The following PUDP variants were observed in gnomAD, a reference collection of about 807,000 sequenced individuals.
The protein encoded by PUDP is pseudouridine 5'-phosphatase, also known as pseudouridine-5'-phosphatase.
PUDP carries 8 observed loss-of-function variants against 9.4 expected under a neutral mutation model. The observed-to-expected ratio is 0.85, with a 90% CI of 0.50 to 1.53. The LOEUF (loss-of-function observed/expected upper bound fraction) is 1.53, where lower values mean the gene tolerates loss of function less well. Ranked by LOEUF, PUDP falls within the 40% of genes most tolerant of loss-of-function variation. The pLI is 0.00. For synonymous variants in PUDP, 99 were observed against 80.7 expected, an observed-to-expected ratio of 1.23 and a Z score of -1.22; for missense variants, 188 against 189.7, an observed-to-expected ratio of 0.99 and a Z score of 0.05.
chrX:6,708,408 C>T (rs756599603), intron 1 of PUDP, among the ~76,000 whole-genome samples: 1 of 111,692 alleles, frequency 9.0e-6, no homozygotes, highest in Non-Finnish European at 1.9e-5. Context: ...AATCTATAAA[C>T]CATGGCCCAT....
chrX:6,945,459 G>A (rs1289639366), intron 3 of PUDP, among the ~76,000 whole-genome samples: 7 of 111,643 alleles, frequency 6.3e-5, no homozygotes, highest in African/African-American at 2.3e-4. Context: ...TTTGTATTTT[G>A]TCTGTCTTTA....
chrX:6,861,396 C>A (rs1469431016), intron 3 of PUDP, among the ~76,000 whole-genome samples: 1 of 111,819 alleles, frequency 8.9e-6, no homozygotes, highest in Non-Finnish European at 1.9e-5. Context: ...GTGTATGGGA[C>A]TCATGGTTTC....
chrX:6,991,944 A>G (rs922441469), intron 1 of PUDP, among the ~76,000 whole-genome samples: 3 of 111,937 alleles, frequency 2.7e-5, no homozygotes, highest in Non-Finnish European at 5.6e-5. Flanking sequence ...TTGAGACTGT[A>G]ACAAACATAA....
intron 2 of PUDP, among the ~76,000 whole-genome samples, chrX:7,104,266 T>C (rs1255480601): frequency 4.5e-5 from 5 of 111,917 alleles, no homozygotes; most frequent in Non-Finnish European, 7.5e-5. Context: ...TGGATGAACC[T>C]TGAGGGCATT....
chrX:6,930,297 T>C (rs1465941944), intron 3 of PUDP, among the ~76,000 whole-genome samples: 2 of 111,249 alleles, frequency 1.8e-5, no homozygotes, highest in Non-Finnish European at 3.8e-5. Flanking sequence ...AGGACTGGTG[T>C]CACCAGAGAC....
At chrX:7,113,892 T>C (rs1452193201) in intron 1 of PUDP, among the ~76,000 whole-genome samples, 1 of 111,401 alleles carries the variant, frequency 9.0e-6, no homozygotes, top group Non-Finnish European at 1.9e-5. Flanking sequence ...CGTGGTAATG[T>C]ATGAAGACAT....
chrX:6,935,883 GA>G (rs1928290144), intron 3 of PUDP, among the ~76,000 whole-genome samples: 1 of 81,405 alleles, frequency 1.2e-5, no homozygotes, highest in Non-Finnish European at 2.4e-5. Flanking sequence ...AGAAAATCTA[GA>G]AGAAATGGAT....
intron 3 of PUDP, among the ~76,000 whole-genome samples, chrX:6,959,483 G>A (rs1928676973): frequency 8.9e-6 from 1 of 112,221 alleles, no homozygotes; most frequent in East Asian, 2.8e-4. Flanking sequence ...CAGGCATACT[G>A]AATGCAAGCG....
intron 1 of PUDP, among the ~76,000 whole-genome samples, chrX:6,993,275 T>C (rs1427629709): frequency 8.9e-6 from 1 of 112,053 alleles, no homozygotes; most frequent in African/African-American, 3.2e-5. Flanking sequence ...GCACCTTGGA[T>C]GAATCCTTAG....
intron 3 of PUDP, among the ~76,000 whole-genome samples, chrX:6,876,814 CAT>C (rs780682551): frequency 1.9e-4 from 21 of 110,430 alleles, no homozygotes; most frequent in African/African-American, 2.3e-4. Flanking sequence ...TGTGTATACA[CAT>C]ATATGTGTGT....
At chrX:7,073,272 A>T (rs1432377567) in intron 3 of PUDP, among the ~76,000 whole-genome samples, 1 of 112,273 alleles carries the variant, frequency 8.9e-6, no homozygotes, top group Non-Finnish European at 1.9e-5. Context: ...TGAAAACTTG[A>T]TTCTTTAATG....
intron 3 of PUDP, among the ~76,000 whole-genome samples, chrX:6,868,888 G>T (rs1427348081): frequency 8.9e-6 from 1 of 112,106 alleles, no homozygotes; most frequent in Admixed American, 9.5e-5. Flanking sequence ...GTCAGTCTTT[G>T]TCTTAATCCT....
At chrX:6,932,544 C>T (rs192298239) in intron 3 of PUDP, among the ~76,000 whole-genome samples, 3,524 of 111,266 alleles carry the variant, frequency 0.032, 140 homozygotes, top group African/African-American at 0.11. Context: ...GCGTGAGCGA[C>T]GCAGAAGACG....
chrX:6,936,058 A>G (rs1214676303), intron 3 of PUDP, among the ~76,000 whole-genome samples: 1 of 111,111 alleles, frequency 9.0e-6, no homozygotes, highest in African/African-American at 3.3e-5. Context: ...CAGAGGTACA[A>G]GGAGGAACTG....
intron 3 of PUDP, among the ~76,000 whole-genome samples, chrX:6,848,774 C>G (rs1051069455): frequency 3.6e-5 from 4 of 111,538 alleles, no homozygotes; most frequent in African/African-American, 9.8e-5. Flanking sequence ...GACTTCCCCC[C>G]ACTCTCTTAC....
chrX:6,837,820 A>T (rs760802507), intron 3 of PUDP, among the ~76,000 whole-genome samples: 2 of 110,103 alleles, frequency 1.8e-5, no homozygotes, highest in Non-Finnish European at 3.8e-5. Flanking sequence ...TTTGGTTAAC[A>T]TCTCCCCATC....
intron 3 of PUDP, among the ~76,000 whole-genome samples, chrX:6,819,381 C>G (rs1469378221): frequency 8.9e-6 from 1 of 112,336 alleles, no homozygotes; most frequent in Non-Finnish European, 1.9e-5. Context: ...ACTATTCATT[C>G]AAGAAGATAT....
intron 1 of PUDP, among the ~76,000 whole-genome samples, chrX:7,010,693 A>C (rs931724502): frequency 6.3e-5 from 7 of 111,297 alleles, no homozygotes; most frequent in Non-Finnish European, 1.3e-4. Context: ...CCCACCCACC[A>C]CGATTCTGGT....
At chrX:6,897,252 C>T (rs908290781) in intron 3 of PUDP, among the ~76,000 whole-genome samples, 1 of 111,914 alleles carries the variant, frequency 8.9e-6, no homozygotes, top group Admixed American at 9.5e-5. Context: ...TTCTACATGA[C>T]ATAACTCAAT....
Sources: allele counts gnomAD v4.1 joint callset (sites outside exome capture counted in the v4.1 genomes callset), GRCh38; gene constraint gnomAD v4.1.1; transcripts MANE v1.5; gene names NCBI Gene and HGNC (gene_info 2026-07-23, HGNC 2026-07-21).